The following ST6GALNAC5 variants were observed in gnomAD, a reference collection of about 807,000 sequenced individuals.
ST6GALNAC5 encodes alpha-N-acetylgalactosaminide alpha-2,6-sialyltransferase 5.
ST6GALNAC5 carries 27 observed loss-of-function variants against 33.6 expected under a neutral mutation model. The observed-to-expected ratio is 0.80, with a 90% CI of 0.59 to 1.11. ST6GALNAC5 has a LOEUF of 1.11. Ranked by LOEUF, ST6GALNAC5 falls within the 50% of genes least tolerant of loss-of-function variation. The probability of loss-of-function intolerance (pLI) is 0.00; values close to 1 mark genes in which losing one functional copy is unlikely to be tolerated. For missense variants in ST6GALNAC5, 428 were observed against 454.0 expected (o/e 0.94, Z 0.52); for synonymous variants, 194 against 171.2 (o/e 1.13, Z -1.04).
intron 2 of ST6GALNAC5, among the ~76,000 whole-genome samples, chr1:77,029,290 C>T (rs1158302320): frequency 2.6e-5 from 4 of 152,142 alleles, no homozygotes; most frequent in Non-Finnish European, 5.9e-5. Context: ...AAGGGATCCC[C>T]AAAGATGTGT....
chr1:76,938,125 G>A (rs1010103874), intron 2 of ST6GALNAC5, among the ~76,000 whole-genome samples: 10 of 152,050 alleles, frequency 6.6e-5, no homozygotes, highest in Non-Finnish European at 1.5e-4. Context: ...GTGAGTATAA[G>A]ATCCTGCAGA....
chr1:76,941,466 C>T (rs989142865), intron 2 of ST6GALNAC5, among the ~76,000 whole-genome samples: 1 of 152,010 alleles, frequency 6.6e-6, no homozygotes, highest in African/African-American at 2.4e-5. Flanking sequence ...TGGGTGGCTC[C>T]CCCAAAAATA....
At chr1:76,949,216 C>A (rs888036765) in intron 2 of ST6GALNAC5, among the ~76,000 whole-genome samples, 73 of 152,134 alleles carry the variant, frequency 4.8e-4, no homozygotes, top group Non-Finnish European at 4.1e-4. Context: ...AAGACCAAAG[C>A]TTTGCTCTTC....
chr1:77,044,337 G>T lies in ST6GALNAC5; in HGVS notation c.395G>T (p.Gly132Val). The T allele has an allele frequency of 6.2e-7, 1 of 1,613,980 alleles. No homozygotes were observed. The change falls in exon 3 of 5, where the codon GGG (glycine) becomes GTG (valine). Residue 132 changes from glycine to valine, a missense_variant. Coordinates refer to ENST00000477717, the MANE Select transcript of ST6GALNAC5 (RefSeq NM_030965.3). The part of the protein sequence containing the change: ...RMNDAPTRGY[G>V]RDVGNRTSLR... ...AATGACGCCCCCACACGCGGCTATG[G>T]GCGTGACGTGGGCAATCGCACCAGC...
chr1:77,006,136 G>T (rs866796556), intron 2 of ST6GALNAC5, among the ~76,000 whole-genome samples: 17 of 151,392 alleles, frequency 1.1e-4, no homozygotes, highest in South Asian at 1.0e-3. Flanking sequence ...GAAATGTGTA[G>T]TTTTTTTTGT....
intron 2 of ST6GALNAC5, among the ~76,000 whole-genome samples, chr1:76,902,298 ATAAC>A (rs1357911709): frequency 6.6e-6 from 1 of 152,184 alleles, no homozygotes; most frequent in East Asian, 1.9e-4. Flanking sequence ...ATATTTAAGA[ATAAC>A]TATAACAAAA....
In ST6GALNAC5 at chr1:77,063,354, CA is replaced by C; in HGVS notation, c.*151del. 1.5e-6 allele frequency: 1 copy of C among 667,720 alleles called. No homozygotes were observed. Among genetic ancestry groups the C allele is most frequent in the Non-Finnish European group, 2.5e-6 (1 of 393,636 alleles). The allele number at this position is 667,720 out of a possible 1,614,324, so 41.4% of individuals were successfully genotyped here. A position where few individuals can be genotyped will look rare whatever the true frequency, so the allele number is the denominator to read the frequency against. On this transcript the variant is annotated 3_prime_UTR_variant, in exon 5 of 5. Transcript: ENST00000477717. ...ATGGACAGACGCCTACCAGGGGTGA[CA>C]AAGCAGTGCAGTTGGATTGTAAGGA...
intron 2 of ST6GALNAC5, among the ~76,000 whole-genome samples, chr1:76,933,727 C>A (rs1197585633): frequency 7.6e-6 from 1 of 131,296 alleles, no homozygotes; most frequent in African/African-American, 3.0e-5. Context: ...TTGACATTAG[C>A]TGAGGTCAGT....
intron 2 of ST6GALNAC5, among the ~76,000 whole-genome samples, chr1:77,009,209 T>C (rs1650539099): frequency 6.6e-6 from 1 of 152,188 alleles, no homozygotes; most frequent in African/African-American, 2.4e-5. Context: ...CACCAGACTT[T>C]ATGGACGAGC....
At chr1:76,940,315 T>C (rs1647302962) in intron 2 of ST6GALNAC5, among the ~76,000 whole-genome samples, 1 of 152,066 alleles carries the variant, frequency 6.6e-6, no homozygotes, top group Non-Finnish European at 1.5e-5. Context: ...GTTACAGTTG[T>C]GATTATCATT....
At chr1:76,944,463 A>G (rs1433789373) in intron 2 of ST6GALNAC5, among the ~76,000 whole-genome samples, 3 of 151,950 alleles carry the variant, frequency 2.0e-5, no homozygotes, top group Non-Finnish European at 4.4e-5. Context: ...CCCCCTCTCT[A>G]TTCCCTTTTT....
rs549248193 is a variant in ST6GALNAC5 at position 76,885,672 on chromosome 1, C to T, written c.261+16930C>T. Among the ~76,000 whole-genome samples, 48 of 152,308 alleles carry T rather than the reference C, an allele frequency of 3.2e-4. No homozygotes were observed. The South Asian group carries it at 4.4e-3, about 14-fold the overall frequency. ...AATTAGGAAATAGTCTTGATACTTA[C>T]GCTAAATTATCCATTTACTAATCCA... On this transcript the variant is annotated intron_variant, in intron 2 of 4. Transcript: ENST00000477717.
In ST6GALNAC5 at chr1:77,044,482, C is replaced by T. The variant is rs149112813; in HGVS notation, c.540C>T (p.Asp180=). ...FWGPSSYMRR[D]GKGQVYNNLH... is the part of the protein sequence containing the mutation. ...GCCCCAGCAGCTACATGCGGCGGGACGGCAAGGGCCAGGTCTACAACAACC... is the reference window on the plus strand; with the variant it reads ...GCCCCAGCAGCTACATGCGGCGGGATGGCAAGGGCCAGGTCTACAACAACC... Residue 180 remains aspartate (D), a synonymous_variant, in exon 3 of 5, where the codon GAC becomes GAT. Coordinates refer to ENST00000477717, the MANE Select transcript of ST6GALNAC5 (RefSeq NM_030965.3). 3.4e-4 allele frequency: 544 copies of T among 1,613,202 alleles called. No homozygotes were observed. The highest frequency in any genetic ancestry group is 4.3e-4 in the Non-Finnish European group (509 of 1,179,778).
chr1:76,872,982 C>T (rs1191250205), intron 2 of ST6GALNAC5, among the ~76,000 whole-genome samples: 2 of 152,166 alleles, frequency 1.3e-5, no homozygotes, highest in African/African-American at 4.8e-5. Context: ...CTTAACCTTC[C>T]TTAAATCTGT....
intron 2 of ST6GALNAC5, among the ~76,000 whole-genome samples, chr1:76,958,637 G>T (rs567075284): frequency 2.0e-5 from 3 of 152,082 alleles, no homozygotes; most frequent in Admixed American, 6.6e-5. Context: ...AATAGTAGAT[G>T]GCACATTTTG....
intron 2 of ST6GALNAC5, among the ~76,000 whole-genome samples, chr1:77,012,026 A>G (rs1650654385): frequency 6.6e-6 from 1 of 152,182 alleles, no homozygotes; most frequent in Non-Finnish European, 1.5e-5. Flanking sequence ...ATAGCGGTCA[A>G]GTGGTGGAGC....
At chr1:76,956,345 T>G (rs1010347444) in intron 2 of ST6GALNAC5, among the ~76,000 whole-genome samples, 3 of 152,000 alleles carry the variant, frequency 2.0e-5, no homozygotes, top group African/African-American at 7.3e-5. Flanking sequence ...CTATTCTAAA[T>G]ACATTGCAAA....
chr1:76,999,436 T>A (rs1650058852), intron 2 of ST6GALNAC5, among the ~76,000 whole-genome samples: 1 of 151,984 alleles, frequency 6.6e-6, no homozygotes, highest in African/African-American at 2.4e-5. Flanking sequence ...GTGGAAATGG[T>A]GACTTGGTTG....
intron 2 of ST6GALNAC5, among the ~76,000 whole-genome samples, chr1:77,032,665 G>A (rs1284124888): frequency 6.6e-6 from 1 of 152,110 alleles, no homozygotes; most frequent in East Asian, 1.9e-4. Flanking sequence ...CCTACCAATA[G>A]ATGACTGAAC....
Sources: gnomAD v4.1 joint callset for allele counts (sites outside exome capture counted in the v4.1 genomes callset) on GRCh38, gnomAD v4.1.1 for gene constraint, MANE v1.5 for transcripts, NCBI Gene and HGNC (gene_info 2026-07-23, HGNC 2026-07-21) for gene names.